Variants in REG4 observed in about 807,000 individuals in gnomAD.
REG4 encodes regenerating islet-derived protein 4.
A neutral mutation model predicts 22.3 loss-of-function variants in REG4; 16 were observed. That is an observed-to-expected ratio of 0.72 (90% CI 0.49 to 1.09). REG4 has a LOEUF of 1.09. Ranked by LOEUF, REG4 falls within the 50% of genes least tolerant of loss-of-function variation. REG4 has a pLI of 0.00. For missense variants in REG4, 214 were observed against 193.9 expected, an observed-to-expected ratio of 1.10 and a Z score of -0.61; for synonymous variants, 71 against 69.2, an observed-to-expected ratio of 1.03 and a Z score of -0.13.
intron 2 of REG4, among the ~76,000 whole-genome samples, chr1:119,805,443 G>GC (rs1654273770): frequency 6.6e-6 from 1 of 152,064 alleles, no homozygotes; most frequent in African/African-American, 2.4e-5. Flanking sequence ...ACTGTCCTTG[G>GC]CCTTCCGTGA....
At chr1:119,807,825 CT>C (rs1654369806) in intron 2 of REG4, among the ~76,000 whole-genome samples, 1 of 152,208 alleles carries the variant, frequency 6.6e-6, no homozygotes, top group African/African-American at 2.4e-5. Flanking sequence ...TTAGTATGTC[CT>C]TCCAAACCGT....
At position 119,794,601 on chromosome 1, in the gene REG4, G is replaced by A; in HGVS notation, c.*17C>T. ...GGACGGGGCTGTGCAGGAGTTAGCAGAATCTTGATTCTTGCTCTATGGTCG... is the reference window on the plus strand; with the variant it reads ...GGACGGGGCTGTGCAGGAGTTAGCAAAATCTTGATTCTTGCTCTATGGTCG... On this transcript the variant is annotated 3_prime_UTR_variant, in exon 6 of 6. Transcript: ENST00000256585. The A allele has an allele frequency of 6.2e-7, 1 of 1,610,516 alleles. No individual in the cohort carries two copies. The highest frequency in any genetic ancestry group is 8.5e-7 in the Non-Finnish European group (1 of 1,176,610).
At chr1:119,800,799 A>C (rs1270316791) in intron 3 of REG4, among the ~76,000 whole-genome samples, 1 of 152,060 alleles carries the variant, frequency 6.6e-6, no homozygotes, top group Non-Finnish European at 1.5e-5. Context: ...TTGGAGGTGA[A>C]TATGCCCACC....
intron 3 of REG4, chr1:119,801,233 T>C (rs1310092852): frequency 6.6e-6 from 1 of 152,256 alleles, no homozygotes; most frequent in African/African-American, 2.4e-5. Flanking sequence ...TGACAAGAAA[T>C]TGAATTAATT....
At chr1:119,805,850 C>T (rs1367960807) in intron 2 of REG4, among the ~76,000 whole-genome samples, 1 of 152,132 alleles carries the variant, frequency 6.6e-6, no homozygotes, top group Non-Finnish European at 1.5e-5. Context: ...CTCTGCCCCA[C>T]ACTCTGCAAG....
Position 119,806,964 on chromosome 1 carries a change from A to G in REG4, c.67+1739T>C, listed in dbSNP as rs1654339626. 2.0e-5 allele frequency among the ~76,000 whole-genome samples: 3 copies of G among 152,240 alleles called. No homozygotes were observed. The South Asian group carries it at 6.2e-4, about 32-fold the overall frequency. ...ACGTACAGTGATTAGCACAGAGCCT[A>G]GTGTATAGGAATTGTTCGACAAATA... On this transcript the variant is annotated intron_variant, in intron 2 of 5. Coordinates refer to ENST00000256585, the MANE Select transcript of REG4 (RefSeq NM_032044.4).
chr1:119,805,600 T>C (rs1332700297), intron 2 of REG4, among the ~76,000 whole-genome samples: 1 of 151,468 alleles, frequency 6.6e-6, no homozygotes, highest in Non-Finnish European at 1.5e-5. Flanking sequence ...CTCTTCTCTT[T>C]CTCCCCTTTC....
rs1373588219 is a variant in REG4, at chr1:119,794,093, A to G, written c.*525T>C. On this transcript the variant is annotated 3_prime_UTR_variant, in exon 6 of 6. Coordinates refer to ENST00000256585, the MANE Select transcript of REG4 (RefSeq NM_032044.4). Reference sequence around the variant, plus strand: ...ACTGGAACACAGCAACCTCTTATGTACACAATGGTTTATTAAAGGAATGTA... The same window carrying G: ...ACTGGAACACAGCAACCTCTTATGTGCACAATGGTTTATTAAAGGAATGTA... 2 of 533,086 alleles carry G rather than the reference A, an allele frequency of 3.8e-6. No homozygotes were observed. Among genetic ancestry groups the G allele is most frequent in the Admixed American group, 1.9e-5 (1 of 51,572 alleles). The allele number at this position is 533,086 out of a possible 1,614,324, so 33.0% of individuals were successfully genotyped here. A position where few individuals can be genotyped will look rare whatever the true frequency, so the allele number is the denominator to read the frequency against.
At chr1:119,803,918 G>A (rs1236625272) in intron 2 of REG4, among the ~76,000 whole-genome samples, 1 of 152,198 alleles carries the variant, frequency 6.6e-6, no homozygotes, top group East Asian at 1.9e-4. Flanking sequence ...AGTACAGGGT[G>A]TCTGTCAGGC....
chr1:119,801,155 G>A (rs185186569), intron 3 of REG4: 2 of 152,076 alleles, frequency 1.3e-5, no homozygotes, highest in East Asian at 1.9e-4. Flanking sequence ...ATTAAACACG[G>A]CAAATGTTTA....
chr1:119,806,711 A>C (rs587752231), intron 2 of REG4, among the ~76,000 whole-genome samples: 2 of 152,270 alleles, frequency 1.3e-5, no homozygotes, highest in South Asian at 4.2e-4. Flanking sequence ...ACCCCACCTC[A>C]CATGGTGCTA....
intron 2 of REG4, among the ~76,000 whole-genome samples, chr1:119,805,923 G>A (rs1654300283): frequency 6.6e-6 from 1 of 152,120 alleles, no homozygotes; most frequent in South Asian, 2.1e-4. Context: ...GCAACCAACG[G>A]CCGCTCTGCT....
chr1:119,799,887 A>C (rs766018303), intron 3 of REG4, 25 bp from the exon 4 acceptor site: 1 of 1,612,590 alleles, frequency 6.2e-7, no homozygotes, highest in Middle Eastern at 1.8e-4. Context: ...AGGTCCTGTT[A>C]ATTATGCCTG....
At chr1:119,810,522 C>A (rs778331889) in intron 1 of REG4, among the ~76,000 whole-genome samples, 5 of 152,112 alleles carry the variant, frequency 3.3e-5, no homozygotes, top group East Asian at 1.9e-4. Flanking sequence ...GTGGATGTGA[C>A]CTTCCCCACC....
chr1:119,802,562 A>C lies in REG4; in HGVS notation c.165+506T>G, dbSNP rs1654143135. 2.6e-6 allele frequency: 3 copies of C among 1,158,036 alleles called. No homozygotes were observed. In the South Asian group the frequency reaches 1.2e-4, roughly 47 times the overall value. 71.7% of individuals were successfully genotyped at this position (1,158,036 alleles called of 1,614,324 possible). A position where few individuals can be genotyped will look rare whatever the true frequency, so the allele number is the denominator to read the frequency against. On this transcript the variant is annotated intron_variant, in intron 3 of 5. Coordinates refer to ENST00000256585, the MANE Select transcript of REG4 (RefSeq NM_032044.4). ...TGTCTATTTGGTTATCTCTCAGACA[A>C]AGCTTCAACGAAATAAAATGGACAG...
chr1:119,799,870 C>A lies in REG4; in HGVS notation c.166-8G>T, dbSNP rs1190184732. 3 of 1,613,706 alleles carry A rather than the reference C, an allele frequency of 1.9e-6. No homozygotes were observed. Among genetic ancestry groups the A allele is most frequent in the East Asian group, 4.5e-5 (2 of 44,898 alleles). ...GTAAGACTGACACTCGAGCTATGTA[C>A]AAGGAGAGGTCCTGTTAATTATGCC... On this transcript the variant is annotated splice_polypyrimidine_tract_variant and splice_region_variant and intron_variant, in intron 3 of 5. Transcript: ENST00000256585.
Sources: gnomAD v4.1 joint callset for allele counts (sites outside exome capture counted in the v4.1 genomes callset) on GRCh38, gnomAD v4.1.1 for gene constraint, MANE v1.5 for transcripts, NCBI Gene and HGNC (gene_info 2026-07-23, HGNC 2026-07-21) for gene names.